Variants in PLD5 observed in about 807,000 individuals in gnomAD.
PLD5 encodes phospholipase D family member 5.
Under a neutral mutation model 61.1 loss-of-function variants are expected in PLD5, and 36 were observed. The ratio of observed to expected loss-of-function variants is 0.59; its 90% CI spans 0.45 to 0.78. The LOEUF is 0.78. Ranked by LOEUF, PLD5 falls within the 30% of genes least tolerant of loss-of-function variation. The pLI is 0.00. For synonymous variants in PLD5, 243 were observed against 242.8 expected (o/e 1.00, Z -0.01); for missense variants, 515 against 644.4 (o/e 0.80, Z 2.17).
intron 8 of PLD5, among the ~76,000 whole-genome samples, chr1:242,104,218 G>T (rs944346158): frequency 6.6e-6 from 1 of 151,460 alleles, no homozygotes; most frequent in African/African-American, 2.4e-5. Flanking sequence ...CTAGGCTAAA[G>T]TGATCCTCTT....
Position 242,372,823 on chromosome 1 carries a change from C to T in PLD5, c.190-24581G>A, listed in dbSNP as rs1661712819. ...TGGATTAAAGACTTAAATGTCAGAC[C>T]TAAAACCATAAAAACCCTAGAAGAA... On this transcript the variant is annotated intron_variant, in intron 1 of 9. Transcript: ENST00000536534. Among the ~76,000 whole-genome samples the T allele has an allele frequency of 8.1e-5, 10 of 123,010 alleles. No homozygotes were observed. In the South Asian group the frequency reaches 2.9e-3, roughly 36 times the overall value. The allele number at this position is 123,010 out of a possible 152,430, so 80.7% of individuals were successfully genotyped here. A position where few individuals can be genotyped will look rare whatever the true frequency, so the allele number is the denominator to read the frequency against.
chr1:242,247,150 A>G (rs1354760701), intron 4 of PLD5, among the ~76,000 whole-genome samples: 1 of 151,960 alleles, frequency 6.6e-6, no homozygotes, highest in East Asian at 1.9e-4. Flanking sequence ...TGCCCGGCTA[A>G]TTTTTGTATT....
At position 242,348,207 on chromosome 1, in the gene PLD5, C is replaced by T. The variant is rs1284843155; in HGVS notation, c.225G>A (p.Val75=). 12 of 1,612,744 alleles carry T rather than the reference C, an allele frequency of 7.4e-6. No individual in the cohort carries two copies. Among genetic ancestry groups the T allele is most frequent in the Non-Finnish European group, 1.0e-5 (12 of 1,179,684 alleles). Residue 75 remains valine, a synonymous_variant, in exon 2 of 10, where the codon GTG becomes GTA. Transcript: ENST00000536534. ...QQKCIVIFAL[V]CCFAILVALI... is the part of the protein sequence containing the mutation. ...GTGCAACCAGAATGGCAAAGCAGCA[C>T]ACCAGGGCAAAGATCACGATGCACT...
At chr1:242,366,668 T>G (rs1030596508) in intron 1 of PLD5, among the ~76,000 whole-genome samples, 2 of 152,202 alleles carry the variant, frequency 1.3e-5, no homozygotes, top group African/African-American at 4.8e-5. Flanking sequence ...AACCCACGCT[T>G]GCTTTTCTGG....
chr1:242,284,423 G>A (rs148514679), intron 3 of PLD5, among the ~76,000 whole-genome samples: 180 of 151,958 alleles, frequency 1.2e-3, no homozygotes, highest in African/African-American at 4.2e-3. Flanking sequence ...AGGCCACCAC[G>A]CCCAACTCTC....
At chr1:242,177,295 C>G (rs1484606570) in intron 5 of PLD5, among the ~76,000 whole-genome samples, 1 of 152,134 alleles carries the variant, frequency 6.6e-6, no homozygotes, top group Non-Finnish European at 1.5e-5. Flanking sequence ...AACCACCATT[C>G]TCATCAAACT....
chr1:242,347,944 C>T (rs1660233411), intron 2 of PLD5, among the ~76,000 whole-genome samples, 162 bp downstream of exon 2: 1 of 152,032 alleles, frequency 6.6e-6, no homozygotes, highest in Non-Finnish European at 1.5e-5. Flanking sequence ...CATTACTTGC[C>T]CTAAAAGTAA....
chr1:242,121,246 C>T (rs1483332524), intron 6 of PLD5, among the ~76,000 whole-genome samples: 1 of 151,906 alleles, frequency 6.6e-6, no homozygotes, highest in African/African-American at 2.4e-5. Flanking sequence ...ATTGGGAATA[C>T]CAATGATGAA....
chr1:242,163,133 T>TTTTA (rs1665977281), intron 5 of PLD5, among the ~76,000 whole-genome samples: 2 of 127,598 alleles, frequency 1.6e-5, no homozygotes, highest in Admixed American at 7.8e-5. Context: ...AAGTCTTTTA[T>TTTTA]TTTCTTTTCT....
intron 2 of PLD5, among the ~76,000 whole-genome samples, chr1:242,345,196 G>T (rs1660060108): frequency 6.6e-6 from 1 of 152,176 alleles, no homozygotes; most frequent in South Asian, 2.1e-4. Flanking sequence ...ATCGTCTCAT[G>T]ACTCTACTGT....
chr1:242,165,409 C>A, intron 5 of PLD5, among the ~76,000 whole-genome samples: 1 of 148,076 alleles, frequency 6.8e-6, no homozygotes. Context: ...AAAGACTGTT[C>A]ACATCCTTAG....
chr1:242,147,496 G>C (rs1274740416), intron 5 of PLD5: 1 of 152,170 alleles, frequency 6.6e-6, no homozygotes, highest in Non-Finnish European at 1.5e-5. Context: ...ATTTTCGTGA[G>C]GATGTAGTTT....
In PLD5 at chr1:242,414,114, G is replaced by A. The variant is rs145931960; in HGVS notation, c.190-65872C>T. Among the ~76,000 whole-genome samples the A allele has an allele frequency of 2.1e-4, 32 of 152,240 alleles. 1 individual carries two copies. The highest frequency in any genetic ancestry group is 7.5e-4 in the African/African-American group (31 of 41,552). On this transcript the variant is annotated intron_variant, in intron 1 of 9. Coordinates refer to ENST00000536534, the MANE Select transcript of PLD5 (RefSeq NM_001372062.1). ...TGCTTAAGGTGGAAACTAAAGAACT[G>A]GAAATAGGAACGCATGAGAAGGCTT...
At chr1:242,468,510 T>C (rs1431735096) in intron 1 of PLD5, among the ~76,000 whole-genome samples, 2 of 152,226 alleles carry the variant, frequency 1.3e-5, no homozygotes, top group Non-Finnish European at 2.9e-5. Context: ...CTTAAATTAC[T>C]GTGGACAGTG....
At chr1:242,127,458 G>T (rs1574349544) in intron 5 of PLD5, among the ~76,000 whole-genome samples, 1 of 152,134 alleles carries the variant, frequency 6.6e-6, no homozygotes, top group African/African-American at 2.4e-5. Flanking sequence ...GCATATGTTG[G>T]AATACTACTC....
At chr1:242,164,594 A>C (rs1185344974) in intron 5 of PLD5, among the ~76,000 whole-genome samples, 1 of 152,176 alleles carries the variant, frequency 6.6e-6, no homozygotes, top group Non-Finnish European at 1.5e-5. Context: ...TAACATGTAG[A>C]AGCAGAGCAA....
At chr1:242,359,885 C>G (rs955642681) in intron 1 of PLD5, among the ~76,000 whole-genome samples, 1 of 152,060 alleles carries the variant, frequency 6.6e-6, no homozygotes, top group Non-Finnish European at 1.5e-5. Flanking sequence ...TTACATGCCT[C>G]ATATATTTTG....
chr1:242,279,482 A>AT (rs1674595744), intron 3 of PLD5, among the ~76,000 whole-genome samples: 1 of 152,068 alleles, frequency 6.6e-6, no homozygotes, highest in Non-Finnish European at 1.5e-5. Flanking sequence ...GAAAACCACC[A>AT]TATTGGGAGA....
chr1:242,172,432 T>A (rs1666817848), intron 5 of PLD5, among the ~76,000 whole-genome samples: 1 of 151,996 alleles, frequency 6.6e-6, no homozygotes, highest in African/African-American at 2.4e-5. Context: ...GCAGGGAAGA[T>A]CTAAAATCGA....
Sources: gnomAD v4.1 joint callset for allele counts (sites outside exome capture counted in the v4.1 genomes callset) on GRCh38, gnomAD v4.1.1 for gene constraint, MANE v1.5 for transcripts, NCBI Gene and HGNC (gene_info 2026-07-23, HGNC 2026-07-21) for gene names.